The following ADGRB3 variants were observed in gnomAD, a reference collection of about 807,000 sequenced individuals.
The protein encoded by ADGRB3 is brain-specific angiogenesis inhibitor 3.
ADGRB3 carries 37 observed loss-of-function variants against 193.4 expected under a neutral mutation model. The ratio of observed to expected loss-of-function variants is 0.19; its 90% CI spans 0.15 to 0.25. The LOEUF (loss-of-function observed/expected upper bound fraction) is 0.25. ADGRB3 is among the 10% of genes least tolerant of loss of function. The probability of loss-of-function intolerance (pLI) is 1.00; values close to 1 mark genes in which losing one functional copy is unlikely to be tolerated. For synonymous variants in ADGRB3, 690 were observed against 644.2 expected, an observed-to-expected ratio of 1.07 and a Z score of -1.08; for missense variants, 1,637 against 1,852.9, an observed-to-expected ratio of 0.88 and a Z score of 2.14.
chr6:69,065,736 G>T (rs1771880492), intron 16 of ADGRB3, among the ~76,000 whole-genome samples: 1 of 142,226 alleles, frequency 7.0e-6, no homozygotes, highest in African/African-American at 2.5e-5. Context: ...AAATTTATTA[G>T]AACAAGCCTG....
At chr6:68,830,468 C>T (rs929204984) in intron 3 of ADGRB3, among the ~76,000 whole-genome samples, 16 of 152,018 alleles carry the variant, frequency 1.1e-4, no homozygotes, top group Admixed American at 6.6e-5. Context: ...TGCATTCAGA[C>T]GTTTGGCAAT....
chr6:69,141,415 G>A (rs915011394), intron 17 of ADGRB3, among the ~76,000 whole-genome samples: 9 of 152,152 alleles, frequency 5.9e-5, no homozygotes, highest in Admixed American at 1.3e-4. Flanking sequence ...GAGCCACTGC[G>A]CCCGGCCGGG....
At chr6:69,275,715 T>G (rs2127281859) in intron 20 of ADGRB3, among the ~76,000 whole-genome samples, 1 of 152,148 alleles carries the variant, frequency 6.6e-6, no homozygotes, top group East Asian at 1.9e-4. Context: ...ACATTATATA[T>G]CAAATAATGC....
At chr6:68,727,937 A>G (rs1765703009) in intron 3 of ADGRB3, among the ~76,000 whole-genome samples, 1 of 151,560 alleles carries the variant, frequency 6.6e-6, no homozygotes, top group African/African-American at 2.4e-5. Context: ...TGACTGTTGA[A>G]CTTTTAATAG....
chr6:69,110,713 G>A (rs962624959), intron 17 of ADGRB3, among the ~76,000 whole-genome samples: 2 of 152,192 alleles, frequency 1.3e-5, no homozygotes, highest in Non-Finnish European at 2.9e-5. Context: ...ATCAGAAGCG[G>A]TGAAGTATAA....
intron 17 of ADGRB3, among the ~76,000 whole-genome samples, chr6:69,112,125 C>A (rs889831721): frequency 3.2e-4 from 49 of 152,262 alleles, no homozygotes; most frequent in Non-Finnish European, 5.4e-4. Context: ...ACAGTCCATG[C>A]ATAGGCAGGC....
chr6:69,379,013 T>C (rs1447111127), intron 30 of ADGRB3, among the ~76,000 whole-genome samples: 3 of 152,038 alleles, frequency 2.0e-5, no homozygotes, highest in African/African-American at 7.2e-5. Flanking sequence ...CAGGAAAGCA[T>C]ATTTCTTGTG....
rs368904690 is a variant in ADGRB3 at position 69,205,309 on chromosome 6, A to G, written c.2481-27981A>G. ...AGTTTCAAAGCTACTCTAAAGAAAGAGAATCATCATGCTCAGTTATACTGG... is the reference window on the plus strand; with the variant it reads ...AGTTTCAAAGCTACTCTAAAGAAAGGGAATCATCATGCTCAGTTATACTGG... On this transcript the variant is annotated intron_variant, in intron 17 of 31. Transcript: ENST00000370598. Among the ~76,000 whole-genome samples, 186 of 152,266 alleles carry G rather than the reference A, an allele frequency of 1.2e-3. 2 individuals carry two copies. In the South Asian group the frequency reaches 0.031, roughly 25 times the overall value.
chr6:68,677,526 T>TC (rs1652536382), intron 3 of ADGRB3, among the ~76,000 whole-genome samples: 1 of 146,060 alleles, frequency 6.8e-6, no homozygotes, highest in Non-Finnish European at 1.5e-5. Flanking sequence ...TTTTTCTTTT[T>TC]TTTTTTTTTT....
At chr6:69,094,427 T>C (rs1034638463) in intron 17 of ADGRB3, among the ~76,000 whole-genome samples, 2 of 152,258 alleles carry the variant, frequency 1.3e-5, no homozygotes, top group South Asian at 2.1e-4. Flanking sequence ...CTTGTAGTGA[T>C]GTTATATTAA....
rs372798616 is a variant in ADGRB3, at chr6:68,639,141, T to C, written c.466T>C (p.Leu156=). ...EEDQKSFFEF[L]VLNKVSPSQF... is the part of the protein sequence containing the mutation. ...AGATCAGAAATCTTTTTTTGAGTTTTTGGTATTGAACAAGGTCAGCCCAAG... is the reference window on the plus strand; with the variant it reads ...AGATCAGAAATCTTTTTTTGAGTTTCTGGTATTGAACAAGGTCAGCCCAAG... Residue 156 remains leucine (L), a synonymous_variant, in exon 3 of 32, where the codon TTG becomes CTG. Coordinates refer to ENST00000370598, the MANE Select transcript of ADGRB3 (RefSeq NM_001704.3). 4 of 1,614,076 alleles carry C rather than the reference T, an allele frequency of 2.5e-6. No homozygotes were observed. Among genetic ancestry groups the C allele is most frequent in the Admixed American group, 1.7e-5 (1 of 59,996 alleles).
chr6:69,165,844 G>T (rs961884259), intron 17 of ADGRB3, among the ~76,000 whole-genome samples: 1 of 151,692 alleles, frequency 6.6e-6, no homozygotes, highest in South Asian at 2.1e-4. Flanking sequence ...ACTCTATAAG[G>T]GTATTGTTTT....
chr6:68,782,546 A>G (rs938516911), intron 3 of ADGRB3, among the ~76,000 whole-genome samples: 6 of 152,156 alleles, frequency 3.9e-5, no homozygotes, highest in South Asian at 2.1e-4. Flanking sequence ...AGGAATCGCC[A>G]CACTGACTTC....
chr6:69,149,229 A>AT (rs1256807185), intron 17 of ADGRB3, among the ~76,000 whole-genome samples: 1 of 151,014 alleles, frequency 6.6e-6, no homozygotes, highest in East Asian at 2.0e-4. Context: ...CTTTTCTATT[A>AT]TTTTTTCCTT....
At chr6:69,016,660 A>G (rs960162643) in intron 12 of ADGRB3, among the ~76,000 whole-genome samples, 1 of 151,964 alleles carries the variant, frequency 6.6e-6, no homozygotes, top group African/African-American at 2.4e-5. Context: ...GAGGAGCACT[A>G]TCTTTTTGTA....
intron 3 of ADGRB3, among the ~76,000 whole-genome samples, chr6:68,723,661 A>G (rs969489518): frequency 5.9e-5 from 9 of 151,792 alleles, no homozygotes; most frequent in African/African-American, 1.9e-4. Flanking sequence ...ACATATTTGT[A>G]GAATTGCTGA....
chr6:69,150,522 C>T (rs1402423962), intron 17 of ADGRB3, among the ~76,000 whole-genome samples: 1 of 152,164 alleles, frequency 6.6e-6, no homozygotes. Flanking sequence ...TACATCCTAG[C>T]CCAGAACAGG....
intron 17 of ADGRB3, among the ~76,000 whole-genome samples, chr6:69,091,408 G>T (rs1772703940): frequency 6.6e-6 from 1 of 152,190 alleles, no homozygotes; most frequent in Non-Finnish European, 1.5e-5. Context: ...ATCAGTGATA[G>T]ACTGGATAAA....
chr6:69,361,827 A>AAAAT (rs1011553343), intron 29 of ADGRB3, among the ~76,000 whole-genome samples: 146 of 151,746 alleles, frequency 9.6e-4, no homozygotes, highest in East Asian at 1.9e-3. Context: ...AAAATAAAAT[A>AAAAT]AAATAAATAA....
Sources: gnomAD v4.1 joint callset for allele counts (sites outside exome capture counted in the v4.1 genomes callset) on GRCh38, gnomAD v4.1.1 for gene constraint, MANE v1.5 for transcripts, NCBI Gene and HGNC (gene_info 2026-07-23, HGNC 2026-07-21) for gene names.